The following TMTC1 variants were observed in gnomAD, a reference collection of about 807,000 sequenced individuals.
TMTC1 encodes the protein transmembrane O-mannosyltransferase targeting cadherins 1.
Under a neutral mutation model 104.8 loss-of-function variants are expected in TMTC1, and 73 were observed. The ratio of observed to expected loss-of-function variants is 0.70; its 90% CI spans 0.58 to 0.85. The LOEUF is 0.85. Among genes scored for constraint, TMTC1 ranks in the 40% least tolerant of loss-of-function variants. TMTC1 has a pLI of 0.00. For synonymous variants in TMTC1, 434 were observed against 428.7 expected, an observed-to-expected ratio of 1.01 and a Z score of -0.15; for missense variants, 1,035 against 1,096.1, an observed-to-expected ratio of 0.94 and a Z score of 0.79.
At chr12:29,720,805 TTCCTAACATA>T (rs908695467) in intron 5 of TMTC1, among the ~76,000 whole-genome samples, 2 of 152,064 alleles carry the variant, frequency 1.3e-5, no homozygotes, top group African/African-American at 2.4e-5. Flanking sequence ...AGGTTCAGGA[TTCCTAACATA>T]TCCCAAGCAG....
intron 17 of TMTC1, among the ~76,000 whole-genome samples, chr12:29,508,068 AT>A (rs1403055597): frequency 6.6e-6 from 1 of 152,202 alleles, no homozygotes; most frequent in African/African-American, 2.4e-5. Context: ...GCTCAATACG[AT>A]ACTAACATTA....
At chr12:29,641,142 G>A (rs1455839664) in intron 5 of TMTC1, 1 of 152,186 alleles carries the variant, frequency 6.6e-6, no homozygotes, top group Non-Finnish European at 1.5e-5. Flanking sequence ...CCACCTGATG[G>A]TCCTTCCCTA....
At chr12:29,544,758 A>G (rs962939659) in intron 10 of TMTC1, among the ~76,000 whole-genome samples, 6 of 152,228 alleles carry the variant, frequency 3.9e-5, no homozygotes, top group Non-Finnish European at 7.3e-5. Context: ...GGGACCTAAA[A>G]GGGAAGGCAG....
At chr12:29,526,817 A>C (rs1416605679) in intron 11 of TMTC1, among the ~76,000 whole-genome samples, 1 of 152,210 alleles carries the variant, frequency 6.6e-6, no homozygotes, top group Non-Finnish European at 1.5e-5. Context: ...CCTGTGGCCT[A>C]TAATAATTTA....
intron 5 of TMTC1, among the ~76,000 whole-genome samples, chr12:29,659,296 G>A (rs572960439): frequency 1.3e-5 from 2 of 152,310 alleles, no homozygotes; most frequent in South Asian, 2.1e-4. Flanking sequence ...TCTCCAGTGT[G>A]GTAGTGTGGA....
intron 11 of TMTC1, among the ~76,000 whole-genome samples, chr12:29,532,395 A>G (rs558920144): frequency 2.0e-5 from 3 of 152,296 alleles, no homozygotes; most frequent in African/African-American, 7.2e-5. Context: ...TGTTTTAAAA[A>G]AGCCCTAAGA....
intron 5 of TMTC1, among the ~76,000 whole-genome samples, chr12:29,677,025 G>T (rs1940752512): frequency 6.6e-6 from 1 of 152,310 alleles, no homozygotes; most frequent in Admixed American, 6.5e-5. Context: ...TCCTTCTGTG[G>T]AAATGAAAGT....
chr12:29,603,092 T>C (rs983057969), intron 7 of TMTC1, among the ~76,000 whole-genome samples: 2 of 152,172 alleles, frequency 1.3e-5, no homozygotes, highest in Non-Finnish European at 1.5e-5. Flanking sequence ...TGTATTTCTG[T>C]CCTTATTGAA....
chr12:29,766,319 AC>A (rs1157761669), intron 2 of TMTC1, among the ~76,000 whole-genome samples: 3 of 152,202 alleles, frequency 2.0e-5, no homozygotes, highest in Non-Finnish European at 2.9e-5. Context: ...TCATCATCAA[AC>A]CAACTGGTCA....
chr12:29,541,433 T>C (rs1406653659), intron 10 of TMTC1, among the ~76,000 whole-genome samples: 1 of 152,212 alleles, frequency 6.6e-6, no homozygotes, highest in African/African-American at 2.4e-5. Flanking sequence ...GTAGGTACTG[T>C]CTATGTTTTG....
intron 5 of TMTC1, among the ~76,000 whole-genome samples, chr12:29,698,555 C>CTT (rs1490774266): frequency 5.3e-5 from 8 of 152,138 alleles, no homozygotes; most frequent in African/African-American, 1.9e-4. Flanking sequence ...CCCCCTTGGT[C>CTT]TTATGTTTCT....
chr12:29,508,660 G>A (rs1943754304), intron 17 of TMTC1, among the ~76,000 whole-genome samples: 1 of 151,916 alleles, frequency 6.6e-6, no homozygotes. Context: ...TGTAACCTCT[G>A]CCTCCCGGGT....
intron 6 of TMTC1, among the ~76,000 whole-genome samples, chr12:29,627,538 G>A (rs998727914): frequency 3.9e-5 from 6 of 152,246 alleles, no homozygotes; most frequent in East Asian, 3.9e-4. Flanking sequence ...CAGCCACTAC[G>A]GAAGTTTGTC....
intron 10 of TMTC1, among the ~76,000 whole-genome samples, chr12:29,540,997 A>AAT (rs1944782780): frequency 6.6e-6 from 1 of 151,864 alleles, no homozygotes; most frequent in Non-Finnish European, 1.5e-5. Flanking sequence ...TCTGTCTCAA[A>AAT]AAAAAATAAA....
chr12:29,781,595 G>C (rs1158587097), intron 1 of TMTC1, among the ~76,000 whole-genome samples: 1 of 152,202 alleles, frequency 6.6e-6, no homozygotes, highest in East Asian at 1.9e-4. Context: ...GGGAGGCTGA[G>C]GCTTAAAGAT....
intron 8 of TMTC1, among the ~76,000 whole-genome samples, chr12:29,578,159 C>A (rs11050301): frequency 0.19 from 28,522 of 151,702 alleles, 3,129 homozygotes; most frequent in East Asian, 0.38. Flanking sequence ...GGCATTGTTT[C>A]ATAATGGTAA....
intron 7 of TMTC1, among the ~76,000 whole-genome samples, chr12:29,584,854 G>C (rs1205601635): frequency 6.7e-6 from 1 of 150,130 alleles, no homozygotes; most frequent in Non-Finnish European, 1.5e-5. Flanking sequence ...GGACATTTGG[G>C]TTGGTTCCAA....
At chr12:29,733,495 T>G (rs1234481112) in intron 5 of TMTC1, among the ~76,000 whole-genome samples, 1 of 152,326 alleles carries the variant, frequency 6.6e-6, no homozygotes, top group Non-Finnish European at 1.5e-5. Context: ...ATCACATTAT[T>G]TTTATGCCTA....
chr12:29,743,358 T>C (rs1942875385), intron 5 of TMTC1, among the ~76,000 whole-genome samples: 1 of 152,140 alleles, frequency 6.6e-6, no homozygotes, highest in South Asian at 2.1e-4. Context: ...TTCCTGGCCA[T>C]TGGGAAGTGC....
Sources: allele counts gnomAD v4.1 joint callset (sites outside exome capture counted in the v4.1 genomes callset), GRCh38; gene constraint gnomAD v4.1.1; transcripts MANE v1.5; gene names NCBI Gene and HGNC (gene_info 2026-07-23, HGNC 2026-07-21).